The following GRIK2 variants were observed in gnomAD, a reference collection of about 807,000 sequenced individuals.
The protein encoded by GRIK2 is glutamate receptor ionotropic, kainate 2.
A neutral mutation model predicts 100.3 loss-of-function variants in GRIK2; 32 were observed. That is an observed-to-expected ratio of 0.32 (90% CI 0.24 to 0.43). The LOEUF is 0.43. GRIK2 is among the 20% of genes least tolerant of loss of function. The pLI is 1.00. For missense variants in GRIK2, 843 were observed against 1,114.9 expected (o/e 0.76, Z 3.47); for synonymous variants, 417 against 389.4 (o/e 1.07, Z -0.83).
chr6:101,443,105 C>T (rs1416570577), intron 2 of GRIK2, among the ~76,000 whole-genome samples: 2 of 151,992 alleles, frequency 1.3e-5, no homozygotes, highest in Non-Finnish European at 2.9e-5. Context: ...TTGAGATTGT[C>T]AAGGTGTCAC....
intron 11 of GRIK2, among the ~76,000 whole-genome samples, chr6:101,864,103 G>T (rs1784905449): frequency 1.4e-5 from 2 of 147,216 alleles, no homozygotes; most frequent in Non-Finnish European, 3.0e-5. Context: ...CGCCACTGCA[G>T]TCCGCAGTCC....
intron 6 of GRIK2, 90 bp from the exon 7 acceptor site, chr6:101,686,090 A>G: frequency 9.4e-7 from 1 of 1,063,226 alleles, no homozygotes; most frequent in Non-Finnish European, 1.4e-6. Context: ...TAAGTGACCT[A>G]AAAAAAACAA....
At chr6:101,745,085 A>G (rs1189352104) in intron 7 of GRIK2, 2 of 152,206 alleles carry the variant, frequency 1.3e-5, no homozygotes, top group African/African-American at 4.8e-5. Flanking sequence ...TCATGTTGTA[A>G]AAAATTTATT....
At chr6:101,543,170 C>T (rs1398490902) in intron 2 of GRIK2, among the ~76,000 whole-genome samples, 1 of 152,148 alleles carries the variant, frequency 6.6e-6, no homozygotes, top group African/African-American at 2.4e-5. Context: ...ATTTTGTAAG[C>T]ACCTGGAAGA....
intron 7 of GRIK2, among the ~76,000 whole-genome samples, chr6:101,711,507 T>C (rs902351621): frequency 4.0e-5 from 6 of 151,850 alleles, no homozygotes; most frequent in African/African-American, 1.4e-4. Flanking sequence ...AACTCTATAA[T>C]GCAATACTTC....
At chr6:101,673,197 A>G (rs1177959568) in intron 4 of GRIK2, among the ~76,000 whole-genome samples, 1 of 152,186 alleles carries the variant, frequency 6.6e-6, no homozygotes, top group Non-Finnish European at 1.5e-5. Context: ...AAATGGGCAA[A>G]AGACATGAAA....
At chr6:102,060,398 T>C (rs767441619) in intron 16 of GRIK2, among the ~76,000 whole-genome samples, 1 of 150,736 alleles carries the variant, frequency 6.6e-6, no homozygotes. Flanking sequence ...AGGGTTTAGT[T>C]TAAACACGCA....
chr6:101,508,094 T>C (rs1300352617), intron 2 of GRIK2, among the ~76,000 whole-genome samples: 1 of 42,360 alleles, frequency 2.4e-5, no homozygotes, highest in Non-Finnish European at 4.3e-5. Flanking sequence ...ATTATTATTA[T>C]TTTTTTTTTT....
intron 7 of GRIK2, among the ~76,000 whole-genome samples, chr6:101,732,298 A>G (rs1202088748): frequency 6.6e-6 from 1 of 152,096 alleles, no homozygotes; most frequent in Non-Finnish European, 1.5e-5. Flanking sequence ...TTGATTAATG[A>G]TAGAGTTCCT....
chr6:101,555,369 C>A (rs989942772), intron 2 of GRIK2, among the ~76,000 whole-genome samples: 1 of 152,128 alleles, frequency 6.6e-6, no homozygotes, highest in Non-Finnish European at 1.5e-5. Context: ...TTATGGCAAG[C>A]AGCACACATG....
chr6:101,800,793 G>C (rs901881808), intron 8 of GRIK2, among the ~76,000 whole-genome samples: 20 of 152,042 alleles, frequency 1.3e-4, no homozygotes, highest in Non-Finnish European at 2.8e-4. Context: ...ACAGTCCACA[G>C]GTCTGGCGAG....
intron 2 of GRIK2, among the ~76,000 whole-genome samples, chr6:101,441,851 G>A (rs1204378585): frequency 4.0e-5 from 6 of 151,804 alleles, no homozygotes; most frequent in African/African-American, 9.7e-5. Flanking sequence ...TGTGCTCAAT[G>A]TTTAGCTTCC....
In GRIK2 at chr6:101,926,250, T is replaced by C. The variant is rs9498748; in HGVS notation, c.1867+1531T>C. On this transcript the variant is annotated intron_variant, in intron 13 of 16. Transcript: ENST00000369134. ...AGGCTTACTCTACCCTTAGAAGACA[T>C]TATTGTAGTTCTTTCAAAATAACAG... Among the ~76,000 whole-genome samples the C allele has an allele frequency of 8.2e-3, 1,223 of 149,510 alleles. 17 individuals are homozygous for C. Among genetic ancestry groups the C allele is most frequent in the African/African-American group, 0.028 (1,146 of 40,502 alleles).
intron 7 of GRIK2, among the ~76,000 whole-genome samples, chr6:101,761,772 C>CCTCCCTCT (rs563580940): frequency 1.2e-4 from 16 of 136,264 alleles, no homozygotes; most frequent in Non-Finnish European, 1.7e-4. Context: ...CCCCCATTTC[C>CCTCCCTCT]CTCCCTCCCT....
At chr6:101,484,856 TA>T (rs1259701569) in intron 2 of GRIK2, among the ~76,000 whole-genome samples, 4 of 152,206 alleles carry the variant, frequency 2.6e-5, no homozygotes, top group Non-Finnish European at 5.9e-5. Context: ...GTACAGAATT[TA>T]TAAGTTCAAA....
chr6:101,852,270 C>T (rs1582382366), intron 10 of GRIK2, among the ~76,000 whole-genome samples: 1 of 152,018 alleles, frequency 6.6e-6, no homozygotes, highest in African/African-American at 2.4e-5. Flanking sequence ...ATTTACTATA[C>T]CTACATGCTT....
At chr6:101,432,927 C>T (rs953333760) in intron 2 of GRIK2, among the ~76,000 whole-genome samples, 7 of 151,756 alleles carry the variant, frequency 4.6e-5, no homozygotes, top group African/African-American at 1.5e-4. Flanking sequence ...AAAGATCTAC[C>T]CCCTTTCCAG....
chr6:102,002,144 T>G (rs1199572994), intron 14 of GRIK2, among the ~76,000 whole-genome samples: 2 of 150,768 alleles, frequency 1.3e-5, no homozygotes, highest in African/African-American at 2.4e-5. Flanking sequence ...TATTATTATT[T>G]ATATGATACT....
At chr6:101,797,731 AAAT>A (rs1780400133) in intron 7 of GRIK2, among the ~76,000 whole-genome samples, 1 of 146,906 alleles carries the variant, frequency 6.8e-6, no homozygotes. Context: ...ATTATATATA[AAAT>A]AATGGTTATA....
Sources: allele counts gnomAD v4.1 joint callset (sites outside exome capture counted in the v4.1 genomes callset), GRCh38; gene constraint gnomAD v4.1.1; transcripts MANE v1.5; gene names NCBI Gene and HGNC (gene_info 2026-07-23, HGNC 2026-07-21).